NAA25: variants seen among roughly 807,000 people sequenced by gnomAD.
NAA25 encodes N-alpha-acetyltransferase 25, NatB auxiliary subunit.
NAA25 carries 30 observed loss-of-function variants against 132.5 expected under a neutral mutation model. The ratio of observed to expected loss-of-function variants is 0.23; its 90% CI spans 0.17 to 0.31. NAA25 has a LOEUF of 0.31. Ranked by LOEUF, NAA25 falls within the 10% of genes least tolerant of loss-of-function variation. The pLI is 1.00. For missense variants in NAA25, 771 were observed against 1,150.4 expected, an observed-to-expected ratio of 0.67 and a Z score of 4.77; for synonymous variants, 359 against 401.9, an observed-to-expected ratio of 0.89 and a Z score of 1.28.
Position 112,051,856 on chromosome 12 carries a change from T to G in NAA25, c.1728+1702A>C, listed in dbSNP as rs114302595. On this transcript the variant is annotated intron_variant, in intron 15 of 23. Coordinates refer to ENST00000261745, the MANE Select transcript of NAA25 (RefSeq NM_024953.4). ...CAAAACAACTCTTCAGACACAATAT[T>G]TGTGGGAAAAAATTAAAGCCTAATT... Among the ~76,000 whole-genome samples, 1,069 of 152,308 alleles carry G rather than the reference T, an allele frequency of 7.0e-3. 16 individuals carry two copies. Among genetic ancestry groups the G allele is most frequent in the African/African-American group, 0.024 (1,004 of 41,564 alleles).
chr12:112,072,161 T>C, intron 9 of NAA25, 97 bp from the exon 10 acceptor site: 1 of 828,158 alleles, frequency 1.2e-6, no homozygotes, highest in Non-Finnish European at 1.8e-6. Flanking sequence ...GAAAAACGAC[T>C]TTGATAATAT....
intron 23 of NAA25, among the ~76,000 whole-genome samples, chr12:112,031,954 CAT>C (rs1475004442): frequency 2.6e-5 from 4 of 151,550 alleles, no homozygotes; most frequent in African/African-American, 4.8e-5. Flanking sequence ...TCAATATGAA[CAT>C]GTCTGCTTTT....
At chr12:112,039,103 G>A (rs1045553213) in intron 22 of NAA25, 126 bp downstream of exon 22, 1 of 493,092 alleles carries the variant, frequency 2.0e-6, no homozygotes, top group Non-Finnish European at 3.6e-6. Context: ...AAGTCATCGT[G>A]GGCCATGGGT....
chr12:112,086,139 C>T (rs903370084), intron 4 of NAA25, among the ~76,000 whole-genome samples: 9 of 135,704 alleles, frequency 6.6e-5, no homozygotes, highest in African/African-American at 2.5e-4. Flanking sequence ...ATTATAATGT[C>T]TAAATACCTT....
intron 22 of NAA25, among the ~76,000 whole-genome samples, chr12:112,037,033 G>GA (rs1472551006): frequency 1.3e-5 from 2 of 151,606 alleles, no homozygotes; most frequent in East Asian, 1.9e-4. Flanking sequence ...CAGTGCTCTT[G>GA]AAAAAATGTC....
chr12:112,067,511 C>T (rs577073519), intron 11 of NAA25, among the ~76,000 whole-genome samples: 3 of 152,022 alleles, frequency 2.0e-5, no homozygotes, highest in African/African-American at 4.8e-5. Context: ...GAGTTCGAGA[C>T]CAGCCTGGCA....
intron 20 of NAA25, among the ~76,000 whole-genome samples, chr12:112,040,854 C>T (rs2078291571): frequency 6.6e-6 from 1 of 152,058 alleles, no homozygotes; most frequent in African/African-American, 2.4e-5. Context: ...TTCAGATAGG[C>T]CATCAGCACA....
Position 112,074,654 on chromosome 12 carries a change from T to TCAGGAAAGAAGACAA in NAA25, c.866+6_866+20dup, listed in dbSNP as rs772603117. 3.0e-5 allele frequency: 45 copies of TCAGGAAAGAAGACAA among 1,519,946 alleles called. No homozygotes were observed. In the Admixed American group the frequency reaches 8.0e-4, roughly 27 times the overall value. 94.2% of individuals were successfully genotyped at this position (1,519,946 alleles called of 1,614,324 possible). On this transcript the variant is annotated intron_variant, in intron 9 of 23. Coordinates refer to ENST00000261745, the MANE Select transcript of NAA25 (RefSeq NM_024953.4). ...CTATATTAAAAAGTGCTGTTATAAT[T>TCAGGAAAGAAGACAA]CAGGAAAGAAGACAACTTACTGTTC...
intron 13 of NAA25, among the ~76,000 whole-genome samples, chr12:112,057,716 C>T (rs1210857842): frequency 1.3e-5 from 2 of 152,070 alleles, no homozygotes; most frequent in Non-Finnish European, 2.9e-5. Context: ...TTAGGCCGGG[C>T]GCAGTGGCTC....
chr12:112,075,622 G>T, intron 8 of NAA25, 56 bp downstream of exon 8: 3 of 1,364,094 alleles, frequency 2.2e-6, no homozygotes, highest in Non-Finnish European at 2.1e-6. Flanking sequence ...AAAATCAATA[G>T]TGAGGTCTTA....
intron 4 of NAA25, among the ~76,000 whole-genome samples, chr12:112,085,543 C>G (rs1171435704): frequency 6.6e-6 from 1 of 151,644 alleles, no homozygotes; most frequent in Non-Finnish European, 1.5e-5. Context: ...ATAAAGACAC[C>G]CAGTATTATT....
intron 13 of NAA25, among the ~76,000 whole-genome samples, chr12:112,059,077 A>G (rs974880440): frequency 1.6e-4 from 1 of 6,228 alleles, no homozygotes; most frequent in Non-Finnish European, 3.1e-4. Context: ...CCATCTCACA[A>G]AAAAAAAAAA....
chr12:112,098,045 C>T (rs1181764824), intron 1 of NAA25, among the ~76,000 whole-genome samples: 4 of 135,548 alleles, frequency 3.0e-5, no homozygotes, highest in African/African-American at 5.6e-5. Flanking sequence ...CACTTGAACC[C>T]GGGAGGCGGA....
chr12:112,050,916 T>C (rs563454641), intron 15 of NAA25, among the ~76,000 whole-genome samples: 1 of 152,300 alleles, frequency 6.6e-6, no homozygotes, highest in South Asian at 2.1e-4. Context: ...CACTAGATTT[T>C]CCATTTAAGT....
At chr12:112,064,112 C>T (rs2078678023) in intron 11 of NAA25, 1 of 152,200 alleles carries the variant, frequency 6.6e-6, no homozygotes, top group Non-Finnish European at 1.5e-5. Flanking sequence ...TGCAGTTTAA[C>T]ATCTGTAATG....
At chr12:112,031,614 T>C (rs2078151581) in intron 23 of NAA25, among the ~76,000 whole-genome samples, 1 of 152,100 alleles carries the variant, frequency 6.6e-6, no homozygotes. Context: ...AAACAAGAAC[T>C]CTTGCTCATC....
At chr12:112,106,443 A>C (rs2136952987) in intron 1 of NAA25, among the ~76,000 whole-genome samples, 1 of 152,018 alleles carries the variant, frequency 6.6e-6, no homozygotes, top group South Asian at 2.1e-4. Flanking sequence ...AATGAGTCAC[A>C]AACTATGAAC....
At chr12:112,054,693 A>C in intron 13 of NAA25, 125 bp from the exon 14 acceptor site, 1 of 885,312 alleles carries the variant, frequency 1.1e-6, no homozygotes. Flanking sequence ...GACAGAGAAC[A>C]AATTTTAGAT....
At chr12:112,104,851 AC>A (rs2079339881) in intron 1 of NAA25, among the ~76,000 whole-genome samples, 1 of 151,500 alleles carries the variant, frequency 6.6e-6, no homozygotes, top group Non-Finnish European at 1.5e-5. Context: ...AAAAAACAAA[AC>A]AAAAACAAAA....
Sources: allele counts gnomAD v4.1 joint callset (sites outside exome capture counted in the v4.1 genomes callset), GRCh38; gene constraint gnomAD v4.1.1; transcripts MANE v1.5; gene names NCBI Gene and HGNC (gene_info 2026-07-23, HGNC 2026-07-21).